Variants in RAI1 observed in about 807,000 individuals in gnomAD.
RAI1 encodes retinoic acid-induced protein 1.
In RAI1, 9 loss-of-function variants were observed where a neutral mutation model predicts 123.8. The observed-to-expected ratio is 0.07, with a 90% CI of 0.04 to 0.13. RAI1 has a LOEUF of 0.13. RAI1 is among the 10% of genes least tolerant of loss of function. The pLI is 1.00. For missense variants in RAI1, 2,256 were observed against 2,545.8 expected, an observed-to-expected ratio of 0.89 and a Z score of 2.45; for synonymous variants, 1,231 against 1,127.3, an observed-to-expected ratio of 1.09 and a Z score of -1.84.
chr17:17,692,376 G>A (rs745746687), intron 1 of RAI1, among the ~76,000 whole-genome samples: 2 of 152,228 alleles, frequency 1.3e-5, no homozygotes, highest in Non-Finnish European at 1.5e-5. Context: ...TGAAAGGGAT[G>A]GAGAAAAGCC....
chr17:17,754,918 C>CT (rs2030371939), intron 2 of RAI1, among the ~76,000 whole-genome samples: 2 of 152,322 alleles, frequency 1.3e-5, no homozygotes, highest in South Asian at 4.1e-4. Context: ...AACTGAGGCT[C>CT]TGAGAGGGCT....
chr17:17,793,517 G>A lies in RAI1; in HGVS notation c.569G>A (p.Arg190Lys). 2 of 1,614,024 alleles carry A rather than the reference G, an allele frequency of 1.2e-6. No individual in the cohort carries two copies. The highest frequency in any genetic ancestry group is 1.7e-6 in the Non-Finnish European group (2 of 1,180,016). Reference protein sequence around the residue: ...QQPLAYPKLQRQKLQNDIASP... With the variant: ...QQPLAYPKLQKQKLQNDIASP... ...CCCCTGGCATACCCCAAGCTCCAAA[G>A]GCAGAAGCTGCAGAACGACATTGCC... is the stretch of plus-strand genomic sequence containing the variant. The change falls in exon 3 of 6, where the codon AGG (arginine) becomes AAG (lysine). Residue 190 changes from arginine to lysine, a missense_variant. Physicochemically the swap from Arg to Lys is conservative, Grantham distance 26. This residue lies in a region of RAI1 where 336 missense variants were observed against 349.8 expected (regional missense o/e 0.96). Coordinates refer to ENST00000353383, the MANE Select transcript of RAI1 (RefSeq NM_030665.4).
intron 1 of RAI1, among the ~76,000 whole-genome samples, chr17:17,697,135 C>G (rs1368570145): frequency 6.6e-6 from 1 of 152,210 alleles, no homozygotes; most frequent in Admixed American, 6.5e-5. Flanking sequence ...CTAACACATC[C>G]AAGCCCTGCG....
intron 2 of RAI1, among the ~76,000 whole-genome samples, chr17:17,742,778 G>T (rs1391195694): frequency 5.3e-5 from 8 of 152,094 alleles, no homozygotes; most frequent in Non-Finnish European, 1.0e-4. Flanking sequence ...CTGGTTTGGG[G>T]GTCCTTGCAC....
intron 2 of RAI1, among the ~76,000 whole-genome samples, chr17:17,760,491 C>A (rs2030645029): frequency 6.6e-6 from 1 of 152,180 alleles, no homozygotes; most frequent in East Asian, 1.9e-4. Flanking sequence ...GGGTTTATGG[C>A]AGCTCAGTTA....
Position 17,745,955 on chromosome 17 carries a change from A to G in RAI1, c.-17+21796A>G, listed in dbSNP as rs551174019. On this transcript the variant is annotated intron_variant, in intron 2 of 5. Transcript: ENST00000353383. Reference sequence around the variant, plus strand: ...CATGAGTGGGGAGCCGAGCCATACCATGGCCGGGGACAGGGACTGGGTGCG... The same window carrying G: ...CATGAGTGGGGAGCCGAGCCATACCGTGGCCGGGGACAGGGACTGGGTGCG... Among the ~76,000 whole-genome samples, 3 of 152,226 alleles carry G rather than the reference A, an allele frequency of 2.0e-5. No individual in the cohort carries two copies. The South Asian group carries it at 6.2e-4, about 32-fold the overall frequency.
At chr17:17,803,170 G>C (rs1191728538) in intron 3 of RAI1, among the ~76,000 whole-genome samples, 1 of 151,692 alleles carries the variant, frequency 6.6e-6, no homozygotes, top group African/African-American at 2.4e-5. Flanking sequence ...AGCAGATGCT[G>C]GCTGGTAGCC....
rs1034305748 is a variant in RAI1, at chr17:17,809,309, C to T, written c.5660-81C>T. 3.6e-5 allele frequency: 45 copies of T among 1,257,274 alleles called. No homozygotes were observed. The African/African-American group carries it at 5.5e-4, about 15-fold the overall frequency. 77.9% of individuals were successfully genotyped at this position (1,257,274 alleles called of 1,614,324 possible). On this transcript the variant is annotated intron_variant, in intron 4 of 5. Transcript: ENST00000353383. This position sits in a 1 kb window ranked among gnomAD's most constrained non-coding sequence, Gnocchi z 4.9. ...CTGGAGCCTCGCGGGCAGTGCGGCT[C>T]CCCTCCTGGCTGCAGACAAAACCCC...
chr17:17,713,165 A>AT lies in RAI1; in HGVS notation c.-148-10855dup, dbSNP rs913587280. On this transcript the variant is annotated intron_variant, in intron 1 of 5. Transcript: ENST00000353383. ...GAGTGAATTATACCTCAAAAAAAAA[A>AT]TTTTTTTTAAGGCATGTCCAGATTT... 3.9e-5 allele frequency among the ~76,000 whole-genome samples: 6 copies of AT among 152,164 alleles called. No homozygotes were observed. The East Asian group carries it at 7.7e-4, about 20-fold the overall frequency.
chr17:17,688,088 C>G (rs917203351), intron 1 of RAI1, among the ~76,000 whole-genome samples: 6 of 149,596 alleles, frequency 4.0e-5, no homozygotes, highest in Non-Finnish European at 5.9e-5. Flanking sequence ...GCAAGGAGGT[C>G]CTATAGCTTG....
chr17:17,787,620 A>G (rs1334706055), intron 2 of RAI1, among the ~76,000 whole-genome samples: 1 of 152,182 alleles, frequency 6.6e-6, no homozygotes, highest in Non-Finnish European at 1.5e-5. Context: ...ACTGCTGGCC[A>G]TCTGCCCCTC....
chr17:17,717,467 A>C (rs1915745048), intron 1 of RAI1, among the ~76,000 whole-genome samples: 1 of 152,042 alleles, frequency 6.6e-6, no homozygotes, highest in South Asian at 2.1e-4. Flanking sequence ...TTCCCAAGTG[A>C]GACTGAGAGA....
intron 2 of RAI1, among the ~76,000 whole-genome samples, chr17:17,759,671 C>T (rs1413886972): frequency 6.6e-5 from 10 of 152,226 alleles, no homozygotes; most frequent in Admixed American, 2.0e-4. Context: ...CCAAGAGCCA[C>T]GCTAGCCAGA....
chr17:17,769,225 C>A (rs1217862955), intron 2 of RAI1, among the ~76,000 whole-genome samples: 1 of 152,238 alleles, frequency 6.6e-6, no homozygotes, highest in Non-Finnish European at 1.5e-5. Flanking sequence ...TGAGGGGAGC[C>A]CTTTCTCTGC....
chr17:17,727,650 G>C (rs532406468), intron 2 of RAI1, among the ~76,000 whole-genome samples: 1 of 152,326 alleles, frequency 6.6e-6, no homozygotes, highest in East Asian at 1.9e-4. Flanking sequence ...ATGCAGTGAG[G>C]GGGTGGGACT....
In RAI1 at chr17:17,798,131, C is replaced by T. The variant is rs201220981; in HGVS notation, c.5183C>T (p.Thr1728Ile). 6.3e-5 allele frequency: 101 copies of T among 1,613,688 alleles called. No individual in the cohort carries two copies. Among genetic ancestry groups the T allele is most frequent in the Non-Finnish European group, 6.2e-5 (73 of 1,180,054 alleles). ...AAGGAGAAGGTGCGGCCAGAAGGCA[C>T]CTGTGAGGAGGCCTCGCTGCCGCTT... The part of the protein sequence containing the change: ...KLKEKVRPEG[T>I]CEEASLPLER... Residue 1728 changes from threonine to isoleucine, a missense_variant, in exon 3 of 6, where the codon ACC (threonine) becomes ATC (isoleucine). By Grantham distance (89) the Thr-to-Ile change is moderately conservative (BLOSUM62 -1). Coordinates refer to ENST00000353383, the MANE Select transcript of RAI1 (RefSeq NM_030665.4).
intron 2 of RAI1, among the ~76,000 whole-genome samples, chr17:17,734,859 T>C (rs1916379116): frequency 6.6e-6 from 1 of 152,182 alleles, no homozygotes; most frequent in African/African-American, 2.4e-5. Context: ...CAGCTCGCCC[T>C]CCACAAAGCT....
chr17:17,797,146 T>C lies in RAI1; in HGVS notation c.4198T>C (p.Cys1400Arg), dbSNP rs371735312. 35 of 1,613,874 alleles carry C rather than the reference T, an allele frequency of 2.2e-5. No individual in the cohort carries two copies. Among genetic ancestry groups the C allele is most frequent in the East Asian group, 1.6e-4 (7 of 44,894 alleles). Residue 1400 changes from cysteine to arginine, a missense_variant, in exon 3 of 6, where the codon TGC becomes CGC. Coordinates refer to ENST00000353383, the MANE Select transcript of RAI1 (RefSeq NM_030665.4). ...KLPTSGADPL[C>R]RNPTNRSLKG... The stretch of plus-strand genomic sequence containing the variant: ...CCCAACTTCTGGGGCTGATCCGTTA[T>C]GCAGAAATCCAACCAACAGATCCTT...
intron 2 of RAI1, among the ~76,000 whole-genome samples, chr17:17,783,342 G>T (rs925756552): frequency 2.0e-5 from 3 of 151,864 alleles, no homozygotes; most frequent in Non-Finnish European, 4.4e-5. Flanking sequence ...CAGCGGGCTG[G>T]GCTGCGGAGG....
Sources: allele counts gnomAD v4.1 joint callset (sites outside exome capture counted in the v4.1 genomes callset), GRCh38; gene constraint gnomAD v4.1.1; regional missense constraint gnomAD v4.1.1; non-coding constraint Gnocchi (gnomAD v3.1); transcripts MANE v1.5; gene names NCBI Gene and HGNC (gene_info 2026-07-23, HGNC 2026-07-21).